CEP250: variants seen among roughly 807,000 people sequenced by gnomAD.
The protein encoded by CEP250 is centrosomal protein 250.
CEP250 carries 242 observed loss-of-function variants against 315.7 expected under a neutral mutation model. The observed-to-expected ratio is 0.77, with a 90% CI of 0.69 to 0.85. The LOEUF (loss-of-function observed/expected upper bound fraction) is 0.85, where lower values mean the gene tolerates loss of function less well. CEP250 is among the 40% of genes least tolerant of loss of function. The probability of loss-of-function intolerance (pLI) is 0.00; values close to 1 mark genes in which losing one functional copy is unlikely to be tolerated. For missense variants in CEP250, 2,515 were observed against 2,886.4 expected (o/e 0.87, Z 2.95); for synonymous variants, 1,088 against 1,175.0 (o/e 0.93, Z 1.51).
chr20:35,484,276 C>A (rs901429534), intron 20 of CEP250, among the ~76,000 whole-genome samples: 1 of 151,652 alleles, frequency 6.6e-6, no homozygotes, highest in African/African-American at 2.4e-5. Context: ...GGAGTTTTTC[C>A]TCAGAGGATT....
At chr20:35,487,909 A>G (rs2063564023) in intron 20 of CEP250, among the ~76,000 whole-genome samples, 1 of 152,210 alleles carries the variant, frequency 6.6e-6, no homozygotes, top group Non-Finnish European at 1.5e-5. Flanking sequence ...CTTAGCTGCT[A>G]TTGTATTCCA....
intron 4 of CEP250, among the ~76,000 whole-genome samples, chr20:35,463,058 ATTTATT>A: frequency 6.6e-6 from 1 of 152,180 alleles, no homozygotes; most frequent in Admixed American, 6.5e-5. Context: ...TTATTTATTT[ATTTATT>A]TATTTTTGAG....
intron 20 of CEP250, among the ~76,000 whole-genome samples, chr20:35,490,427 A>T (rs910490811): frequency 9.9e-5 from 15 of 152,224 alleles, no homozygotes; most frequent in African/African-American, 3.6e-4. Context: ...TTTATTTTTT[A>T]AAATGAATCT....
intron 8 of CEP250, 26 bp downstream of exon 8, chr20:35,467,098 A>G (rs1398018896): frequency 2.1e-6 from 3 of 1,447,516 alleles, no homozygotes; most frequent in East Asian, 2.9e-5. Context: ...AGAAGGGAGG[A>G]GGTTTGCCCC....
rs765020383 is a variant in CEP250, at chr20:35,509,023, G to A, written c.6987G>A (p.Thr2329=). The change falls in exon 33 of 35, where the codon ACG becomes ACA. Residue 2329 remains threonine (T), a synonymous_variant. Transcript: ENST00000397527. Reference sequence around the variant, plus strand: ...GGTCCCTAGAGATCAGCAAGGCCACGGCTTCTTCACCCACACAGCAGGTTT... The same window carrying A: ...GGTCCCTAGAGATCAGCAAGGCCACAGCTTCTTCACCCACACAGCAGGTTT... ...QAGSLEISKA[T]ASSPTQQDGR... is the part of the protein sequence containing the mutation. 36 of 1,556,730 alleles carry A rather than the reference G, an allele frequency of 2.3e-5. No homozygotes were observed. The highest frequency in any genetic ancestry group is 1.4e-4 in the East Asian group (6 of 41,686).
At chr20:35,509,092 C>T (rs1487058905) in intron 33 of CEP250, 48 bp downstream of exon 33, 1 of 1,470,396 alleles carries the variant, frequency 6.8e-7, no homozygotes, top group East Asian at 2.5e-5. Flanking sequence ...CAACCCCAGC[C>T]ACCAGAAACT....
At chr20:35,478,636 C>T (rs957734010) in intron 17 of CEP250, among the ~76,000 whole-genome samples, 4 of 152,216 alleles carry the variant, frequency 2.6e-5, no homozygotes, top group African/African-American at 4.8e-5. Flanking sequence ...AGAAGCTTCT[C>T]CTTATACTCT....
intron 20 of CEP250, among the ~76,000 whole-genome samples, chr20:35,480,526 G>T (rs2063316173): frequency 6.7e-6 from 1 of 150,088 alleles, no homozygotes; most frequent in Non-Finnish European, 1.5e-5. Flanking sequence ...TGGTTTTATT[G>T]TGGTTTTAGG....
intron 2 of CEP250, among the ~76,000 whole-genome samples, 154 bp from the exon 3 acceptor site, chr20:35,459,829 A>G (rs2062715578): frequency 6.6e-6 from 1 of 152,084 alleles, no homozygotes; most frequent in Admixed American, 6.6e-5. Context: ...GGTTCAACCT[A>G]ATGTTTTGGG....
chr20:35,511,223 T>C (rs1017808347), intron 34 of CEP250, 140 bp from the exon 35 acceptor site: 2 of 683,314 alleles, frequency 2.9e-6, no homozygotes, highest in Non-Finnish European at 4.9e-6. Flanking sequence ...CTCTACAGCC[T>C]GTTTCTGAGA....
intron 10 of CEP250, chr20:35,470,213 A>G (rs539830376): frequency 4.4e-5 from 26 of 586,000 alleles, no homozygotes; most frequent in South Asian, 4.2e-4. Context: ...GGAAATTGCA[A>G]TGGCATATGT....
rs953836987 is a variant in CEP250, at chr20:35,497,902, G to C, written c.3490G>C (p.Glu1164Gln). The C allele has an allele frequency of 1.2e-6, 2 of 1,607,924 alleles. No homozygotes were observed. The highest frequency in any genetic ancestry group is 2.7e-5 in the African/African-American group (2 of 74,842). Residue 1164 changes from glutamate to glutamine, a missense_variant, in exon 26 of 35, where the codon GAA becomes CAA. Coordinates refer to ENST00000397527, the MANE Select transcript of CEP250 (RefSeq NM_007186.6). ...LRLRSTESQL[E>Q]ALAAEQQPGN... ...ACTGCGCAGCACAGAGAGCCAGCTAGAAGCGCTGGCCGCAGAGCAGCAGCC... is the reference window on the plus strand; with the variant it reads ...ACTGCGCAGCACAGAGAGCCAGCTACAAGCGCTGGCCGCAGAGCAGCAGCC...
rs1191536021 is a variant in CEP250, at chr20:35,502,944, G to A, written c.4575G>A (p.Glu1525=). 6.2e-7 allele frequency: 1 copy of A among 1,614,104 alleles called. No homozygotes were observed. Among genetic ancestry groups the A allele is most frequent in the Non-Finnish European group, 8.5e-7 (1 of 1,180,052 alleles). The change falls in exon 30 of 35, where the codon GAG becomes GAA. Residue 1525 remains glutamate, a synonymous_variant. Transcript: ENST00000397527. The stretch of plus-strand genomic sequence containing the variant: ...GGGAGACTCAGAGGAACGTCTTGGA[G>A]CATCAGCTTCTAGAACTTGAGAAGA... ...KDRETQRNVL[E]HQLLELEKKD...
chr20:35,459,232 G>C (rs985686120), intron 2 of CEP250, among the ~76,000 whole-genome samples: 1 of 129,178 alleles, frequency 7.7e-6, no homozygotes. Flanking sequence ...CAAGATGAGG[G>C]GGGTGGACTA....
intron 26 of CEP250, 127 bp from the exon 27 acceptor site, chr20:35,498,468 A>C: frequency 1.8e-6 from 2 of 1,139,768 alleles, no homozygotes; most frequent in Non-Finnish European, 2.5e-6. Flanking sequence ...TGATGAGTGA[A>C]CTGCTGAGAA....
chr20:35,510,153 T>C, intron 34 of CEP250, 99 bp downstream of exon 34: 1 of 1,160,224 alleles, frequency 8.6e-7, no homozygotes, highest in South Asian at 1.2e-5. Flanking sequence ...TTCAGAGAAC[T>C]TCAGTCTCCA....
intron 27 of CEP250, 107 bp from the exon 28 acceptor site, chr20:35,499,942 A>T: frequency 7.0e-7 from 1 of 1,438,848 alleles, no homozygotes; most frequent in Non-Finnish European, 9.6e-7. Flanking sequence ...GAGTAGGTCC[A>T]CAATGGCGGC....
chr20:35,471,433 A>C (rs1408578349), intron 10 of CEP250, among the ~76,000 whole-genome samples: 1 of 152,218 alleles, frequency 6.6e-6, no homozygotes, highest in Middle Eastern at 3.2e-3. Flanking sequence ...ATTTTTATGT[A>C]AAATCTTTCC....
chr20:35,479,408 C>A lies in CEP250; in HGVS notation c.2272C>A (p.Gln758Lys), dbSNP rs925602260. ...GCGTGACCGGCAGGACCTCGCTGAA[C>A]AACTACAGGGGCTCAGGTAGGGCCC... ...VERDRQDLAE[Q>K]LQGLSSAKEL... The change falls in exon 18 of 35, where the codon CAA (glutamine) becomes AAA (lysine). Residue 758 changes from glutamine to lysine, a missense_variant. Gln to Lys is a moderately conservative substitution (Grantham distance 53). Coordinates refer to ENST00000397527, the MANE Select transcript of CEP250 (RefSeq NM_007186.6). The A allele has an allele frequency of 1.2e-6, 2 of 1,613,590 alleles. No individual in the cohort carries two copies. Among genetic ancestry groups the A allele is most frequent in the African/African-American group, 2.7e-5 (2 of 74,894 alleles).
Sources: gnomAD v4.1 joint callset for allele counts (sites outside exome capture counted in the v4.1 genomes callset) on GRCh38, gnomAD v4.1.1 for gene constraint, MANE v1.5 for transcripts, NCBI Gene and HGNC (gene_info 2026-07-23, HGNC 2026-07-21) for gene names.